The following EAF1 variants were observed in gnomAD, a reference collection of about 807,000 sequenced individuals.
The protein encoded by EAF1 is ELL-associated factor 1.
EAF1 carries 19 observed loss-of-function variants against 26.6 expected under a neutral mutation model. That is an observed-to-expected ratio of 0.71 (90% CI 0.50 to 1.05). EAF1 has a LOEUF of 1.05. EAF1 is among the 50% of genes least tolerant of loss of function. The pLI, the probability that EAF1 is intolerant of heterozygous loss-of-function variation, is 0.00. For synonymous variants in EAF1, 102 were observed against 120.6 expected, an observed-to-expected ratio of 0.85 and a Z score of 1.01; for missense variants, 260 against 335.5, an observed-to-expected ratio of 0.78 and a Z score of 1.76.
chr3:15,432,679 C>G (rs1319201555), intron 3 of EAF1, among the ~76,000 whole-genome samples: 1 of 152,022 alleles, frequency 6.6e-6, no homozygotes, highest in Non-Finnish European at 1.5e-5. Context: ...CTCTTTAATT[C>G]AACAGTTGCT....
At chr3:15,435,970 A>G (rs943610757) in intron 4 of EAF1, among the ~76,000 whole-genome samples, 8 of 152,336 alleles carry the variant, frequency 5.3e-5, no homozygotes, top group African/African-American at 1.7e-4. Context: ...ACCACTTTAC[A>G]TAATATTTGT....
At chr3:15,434,656 A>G in intron 4 of EAF1, 118 bp downstream of exon 4, 1 of 1,240,578 alleles carries the variant, frequency 8.1e-7, no homozygotes, top group Non-Finnish European at 1.1e-6. Context: ...GCCATCAAAA[A>G]AATGTCTGCA....
rs941809308 is a variant in EAF1, at chr3:15,441,999, C to T, written c.*2844C>T. The T allele has an allele frequency of 6.6e-6, 1 of 152,588 alleles. No homozygotes were observed. Among genetic ancestry groups the T allele is most frequent in the African/African-American group, 2.4e-5 (1 of 41,400 alleles). The allele number at this position is 152,588 out of a possible 1,614,324, so 9.5% of individuals were successfully genotyped here. A position where few individuals can be genotyped will look rare whatever the true frequency, so the allele number is the denominator to read the frequency against. ...AATTAAATCTGAAGTGTCAGAGGCG[C>T]TTAGTAAGCCTTAGTAAAGTTGTGA... On this transcript the variant is annotated 3_prime_UTR_variant, in exon 6 of 6. Transcript: ENST00000396842.
At position 15,435,951 on chromosome 3, in the gene EAF1, T is replaced by C. The variant is rs28686175; in HGVS notation, c.527-391T>C. Among the ~76,000 whole-genome samples the C allele has an allele frequency of 5.4e-3, 829 of 152,330 alleles. 9 individuals are homozygous for C. Among genetic ancestry groups the C allele is most frequent in the African/African-American group, 0.019 (790 of 41,564 alleles). ...TCAGACCTCCCAACTCCTAGTCAAA[T>C]ATTTTTCAACCACTTTACATAATAT... On this transcript the variant is annotated intron_variant, in intron 4 of 5. Coordinates refer to ENST00000396842, the MANE Select transcript of EAF1 (RefSeq NM_033083.7).
chr3:15,432,841 G>A (rs1193785648), intron 3 of EAF1, among the ~76,000 whole-genome samples: 1 of 151,538 alleles, frequency 6.6e-6, no homozygotes, highest in Non-Finnish European at 1.5e-5. Context: ...ACCCAGGCTG[G>A]AGTGCAGTGG....
chr3:15,431,477 TCTG>T (rs1277583648), intron 2 of EAF1, among the ~76,000 whole-genome samples: 2 of 152,280 alleles, frequency 1.3e-5, no homozygotes, highest in East Asian at 3.9e-4. Flanking sequence ...CCAGTTGCCT[TCTG>T]CTCTGAAGCA....
intron 1 of EAF1, 33 bp downstream of exon 1, chr3:15,427,915 C>A (rs2061764615): frequency 1.3e-6 from 2 of 1,483,982 alleles, no homozygotes; most frequent in African/African-American, 2.8e-5. Context: ...TCCCTTCGGC[C>A]GCTCCAGCCG....
chr3:15,434,571 C>T, intron 4 of EAF1, 33 bp downstream of exon 4: 1 of 1,610,288 alleles, frequency 6.2e-7, no homozygotes, highest in Non-Finnish European at 8.5e-7. Flanking sequence ...ATGATAGCAA[C>T]TTGGAGTAGA....
intron 4 of EAF1, 51 bp downstream of exon 4, chr3:15,434,589 AT>A (rs2125066459): frequency 1.3e-6 from 2 of 1,596,674 alleles, no homozygotes; most frequent in Non-Finnish European, 1.7e-6. Flanking sequence ...AGAGTGCTGA[AT>A]TTTCTTGTGG....
chr3:15,435,569 A>G (rs1434476986), intron 4 of EAF1, among the ~76,000 whole-genome samples: 2 of 152,066 alleles, frequency 1.3e-5, no homozygotes, highest in Non-Finnish European at 2.9e-5. Context: ...GTTGTTGCCA[A>G]TTATGCTTAA....
intron 5 of EAF1, chr3:15,438,694 T>A (rs2061849554): frequency 6.3e-6 from 1 of 157,614 alleles, no homozygotes. Context: ...GTGGCTGATT[T>A]TTATATTTTT....
chr3:15,427,946 C>T, intron 1 of EAF1, 64 bp downstream of exon 1: 1 of 1,287,884 alleles, frequency 7.8e-7, no homozygotes, highest in Non-Finnish European at 1.1e-6. Context: ...ACCTTGACTC[C>T]TTCCTTTCTT....
chr3:15,439,561 G>C lies in EAF1; in HGVS notation c.*406G>C, dbSNP rs2061854367. ...GTACCAGTGGAATGAAGTCTTTGAT[G>C]GGTAGGAGAGAGAGGGAAAACCTCA... On this transcript the variant is annotated 3_prime_UTR_variant, in exon 6 of 6. Coordinates refer to ENST00000396842, the MANE Select transcript of EAF1 (RefSeq NM_033083.7). The C allele has an allele frequency of 6.2e-6, 1 of 162,126 alleles. No homozygotes were observed. Among genetic ancestry groups the C allele is most frequent in the Admixed American group, 6.4e-5 (1 of 15,622 alleles). The allele number at this position is 162,126 out of a possible 1,614,324, so 10.0% of individuals were successfully genotyped here. A position where few individuals can be genotyped will look rare whatever the true frequency, so the allele number is the denominator to read the frequency against.
At chr3:15,437,684 T>C (rs1043679425) in intron 5 of EAF1, among the ~76,000 whole-genome samples, 1 of 152,194 alleles carries the variant, frequency 6.6e-6, no homozygotes, top group African/African-American at 2.4e-5. Flanking sequence ...TTTCTATGCT[T>C]TTCTCTTTTT....
At chr3:15,432,813 G>A (rs1456585022) in intron 3 of EAF1, among the ~76,000 whole-genome samples, 2 of 150,318 alleles carry the variant, frequency 1.3e-5, no homozygotes, top group East Asian at 2.0e-4. Context: ...TTAAAGAGTC[G>A]AGGTCTCTTG....
chr3:15,436,864 G>A (rs529037054), intron 5 of EAF1, among the ~76,000 whole-genome samples: 11 of 152,096 alleles, frequency 7.2e-5, no homozygotes, highest in Non-Finnish European at 1.0e-4. Context: ...CCAGACTTTC[G>A]GGGAGCTACC....
intron 3 of EAF1, 73 bp from the exon 4 acceptor site, chr3:15,434,275 T>G: frequency 3.9e-6 from 6 of 1,556,516 alleles, no homozygotes; most frequent in Non-Finnish European, 5.3e-6. Flanking sequence ...GACTTCTGAG[T>G]TTTCAGTCAC....
chr3:15,427,664 C>T lies in EAF1; in HGVS notation c.-116C>T. 1.8e-6 allele frequency: 2 copies of T among 1,134,764 alleles called. No homozygotes were observed. Among genetic ancestry groups the T allele is most frequent in the South Asian group, 2.8e-5 (2 of 72,440 alleles). 70.3% of individuals were successfully genotyped at this position (1,134,764 alleles called of 1,614,324 possible). ...CCGGGTGGGTGCCGGCTCGGCTCTC[C>T]TTGTCTTCCAGAGCGGTGGCCCGGA... On this transcript the variant is annotated 5_prime_UTR_variant, in exon 1 of 6. Coordinates refer to ENST00000396842, the MANE Select transcript of EAF1 (RefSeq NM_033083.7).
Position 15,427,774 on chromosome 3 carries a change from G to C in EAF1, c.-6G>C. The C allele has an allele frequency of 6.4e-7, 1 of 1,551,040 alleles. No individual in the cohort carries two copies. The highest frequency in any genetic ancestry group is 1.2e-5 in the South Asian group (1 of 84,032). ...GCCGATCTGGGTGCGAGGCAGGTGC[G>C]GGGCCATGAATGGGACCGCAAACCC... On this transcript the variant is annotated 5_prime_UTR_variant, in exon 1 of 6. Transcript: ENST00000396842.
Sources: gnomAD v4.1 joint callset for allele counts (sites outside exome capture counted in the v4.1 genomes callset) on GRCh38, gnomAD v4.1.1 for gene constraint, MANE v1.5 for transcripts, NCBI Gene and HGNC (gene_info 2026-07-23, HGNC 2026-07-21) for gene names.